SYT10: variants seen among roughly 807,000 people sequenced by gnomAD.
SYT10 encodes the protein synaptotagmin 10.
SYT10 carries 31 observed loss-of-function variants against 51.1 expected under a neutral mutation model. That is an observed-to-expected ratio of 0.61 (90% CI 0.46 to 0.82). The LOEUF (loss-of-function observed/expected upper bound fraction) is 0.82. Ranked by LOEUF, SYT10 falls within the 40% of genes least tolerant of loss-of-function variation. SYT10 has a pLI of 0.00. For synonymous variants in SYT10, 233 were observed against 225.9 expected (o/e 1.03, Z -0.28); for missense variants, 603 against 634.0 (o/e 0.95, Z 0.53).
At chr12:33,418,602 AACT>A (rs1866474940) in intron 2 of SYT10, among the ~76,000 whole-genome samples, 1 of 152,112 alleles carries the variant, frequency 6.6e-6, no homozygotes, top group South Asian at 2.1e-4. Flanking sequence ...CATCTGTCTC[AACT>A]TGATTTTCCC....
At position 33,433,279 on chromosome 12, in the gene SYT10, TG is replaced by T. The variant is rs146148324; in HGVS notation, c.151+6092del. Among the ~76,000 whole-genome samples the T allele has an allele frequency of 3.1e-3, 468 of 152,242 alleles. 2 individuals carry two copies. The highest frequency in any genetic ancestry group is 5.4e-3 in the Non-Finnish European group (364 of 67,966). On this transcript the variant is annotated intron_variant, in intron 1 of 6. Coordinates refer to ENST00000228567, the MANE Select transcript of SYT10 (RefSeq NM_198992.4). ...TGATGCCCTGAGATTTTTGAGTGGGTGACTCTCAGCTCTTTTTCAGTCACAT... is the reference window on the plus strand; with the variant it reads ...TGATGCCCTGAGATTTTTGAGTGGGTACTCTCAGCTCTTTTTCAGTCACAT...
At chr12:33,395,555 A>G (rs1484268957) in intron 3 of SYT10, among the ~76,000 whole-genome samples, 2 of 152,222 alleles carry the variant, frequency 1.3e-5, no homozygotes, top group Non-Finnish European at 2.9e-5. Context: ...CACAGCTGAT[A>G]GAATAATAAC....
chr12:33,400,081 C>T (rs1195690873), intron 3 of SYT10, among the ~76,000 whole-genome samples: 1 of 152,182 alleles, frequency 6.6e-6, no homozygotes, highest in Non-Finnish European at 1.5e-5. Context: ...AGGTTTGCTC[C>T]CTACTGCCCC....
At chr12:33,386,781 G>A (rs1179273901) in intron 3 of SYT10, among the ~76,000 whole-genome samples, 2 of 152,090 alleles carry the variant, frequency 1.3e-5, no homozygotes, top group East Asian at 1.9e-4. Flanking sequence ...TTTCTACAAC[G>A]TACTGAAGTG....
chr12:33,436,296 C>T (rs1866636925), intron 1 of SYT10, among the ~76,000 whole-genome samples: 1 of 152,054 alleles, frequency 6.6e-6, no homozygotes, highest in South Asian at 2.1e-4. Context: ...AATATTAAAT[C>T]ATATTGTGCA....
chr12:33,424,199 T>C (rs1866529706), intron 2 of SYT10, among the ~76,000 whole-genome samples: 1 of 152,194 alleles, frequency 6.6e-6, no homozygotes, highest in Non-Finnish European at 1.5e-5. Context: ...ACTGAGAAAT[T>C]CATAGCTAGC....
Position 33,439,273 on chromosome 12 carries a change from C to T in SYT10, c.151+99G>A, listed in dbSNP as rs575714896. ...GGAAAGCGTGGCGCCCCAAATATGC[C>T]GCGGGAGCGGCGCGGGAGGCGCAGA... On this transcript the variant is annotated intron_variant, in intron 1 of 6. Coordinates refer to ENST00000228567, the MANE Select transcript of SYT10 (RefSeq NM_198992.4). 20 of 1,457,258 alleles carry T rather than the reference C, an allele frequency of 1.4e-5. No individual in the cohort carries two copies. The South Asian group carries it at 2.7e-4, about 19-fold the overall frequency. 90.3% of individuals were successfully genotyped at this position (1,457,258 alleles called of 1,614,324 possible). A position where few individuals can be genotyped will look rare whatever the true frequency, so the allele number is the denominator to read the frequency against.
rs2138394892 is a variant in SYT10, at chr12:33,390,845, T to G, written c.1078-5554A>C. Among the ~76,000 whole-genome samples the G allele has an allele frequency of 1.3e-5, 2 of 152,342 alleles. 1 individual carries two copies. Among genetic ancestry groups the G allele is most frequent in the South Asian group, 4.1e-4 (2 of 4,832 alleles). ...TATATGTGATTTTGGACAAGTTACTTAACCTTGAAGAACACCACACAATTA... is the reference window on the plus strand; with the variant it reads ...TATATGTGATTTTGGACAAGTTACTGAACCTTGAAGAACACCACACAATTA... On this transcript the variant is annotated intron_variant, in intron 3 of 6. Transcript: ENST00000228567.
chr12:33,385,069 C>T, intron 4 of SYT10, 102 bp downstream of exon 4: 1 of 1,378,778 alleles, frequency 7.3e-7, no homozygotes. Flanking sequence ...TTGTAGTACT[C>T]CCATTATAGG....
chr12:33,403,132 T>C (rs1866320634), intron 3 of SYT10, among the ~76,000 whole-genome samples: 1 of 152,072 alleles, frequency 6.6e-6, no homozygotes, highest in Admixed American at 6.6e-5. Context: ...TAAATGATTA[T>C]TTCAAATAAA....
intron 3 of SYT10, among the ~76,000 whole-genome samples, chr12:33,388,335 C>T (rs1905418): frequency 0.4 from 61,314 of 151,544 alleles, 13,238 homozygotes; most frequent in East Asian, 0.88. Flanking sequence ...TGTGCACTAT[C>T]TTTCAGGATT....
intron 2 of SYT10, among the ~76,000 whole-genome samples, chr12:33,416,264 G>T (rs556104071): frequency 1.3e-5 from 2 of 152,110 alleles, no homozygotes; most frequent in East Asian, 3.9e-4. Context: ...TGTATTTTTA[G>T]TAGAGACGGG....
intron 6 of SYT10, among the ~76,000 whole-genome samples, chr12:33,378,047 A>G (rs1273605814): frequency 1.3e-5 from 2 of 152,166 alleles, no homozygotes; most frequent in Non-Finnish European, 2.9e-5. Context: ...ATAATTATAT[A>G]CTTATTTTTC....
intron 3 of SYT10, among the ~76,000 whole-genome samples, chr12:33,395,372 A>G (rs1178121897): frequency 6.6e-6 from 1 of 152,224 alleles, no homozygotes; most frequent in African/African-American, 2.4e-5. Flanking sequence ...ATAACTAATA[A>G]TAGTTATACT....
chr12:33,426,150 G>C lies in SYT10; in HGVS notation c.497C>G (p.Thr166Arg). The C allele has an allele frequency of 6.2e-7, 1 of 1,602,958 alleles. No individual in the cohort carries two copies. Residue 166 changes from threonine to arginine, a missense_variant, in exon 2 of 7, where the codon ACG (threonine) becomes AGG (arginine). Transcript: ENST00000228567. ...ARVQRQITEP[T>R]SSTRHSSFRR... ...AATCTTTCCTTACCGGGTTGATGAC[G>C]TAGGCTCAGTAATTTGTCTTTGCAC... is the stretch of plus-strand genomic sequence containing the variant.
chr12:33,420,527 CTG>C (rs1445004321), intron 2 of SYT10, among the ~76,000 whole-genome samples: 1 of 151,954 alleles, frequency 6.6e-6, no homozygotes, highest in Non-Finnish European at 1.5e-5. Context: ...TGGTGCGTGC[CTG>C]TAGTCCTGGC....
At position 33,400,643 on chromosome 12, in the gene SYT10, T is replaced by TA. The variant is rs928314239; in HGVS notation, c.1077+6145dup. ...CATATGCAAATGAAGGTAGTTATGT[T>TA]AAAAAAAAAGGAAATCTTTTCCTTG... On this transcript the variant is annotated intron_variant, in intron 3 of 6. Transcript: ENST00000228567. Among the ~76,000 whole-genome samples, 94 of 151,262 alleles carry TA rather than the reference T, an allele frequency of 6.2e-4. 1 individual carries two copies. The East Asian group carries it at 0.013, about 22-fold the overall frequency.
intron 2 of SYT10, among the ~76,000 whole-genome samples, chr12:33,417,374 C>A (rs1286519107): frequency 6.6e-6 from 1 of 152,114 alleles, no homozygotes; most frequent in East Asian, 1.9e-4. Flanking sequence ...ATACTCTGCC[C>A]CTTTGCCTTG....
At chr12:33,407,710 A>T (rs967053809) in intron 2 of SYT10, 1 of 180,640 alleles carries the variant, frequency 5.5e-6, no homozygotes, top group African/African-American at 2.4e-5. Context: ...AGCTCAAGCC[A>T]TCCTCTGGCC....
Sources: allele counts gnomAD v4.1 joint callset (sites outside exome capture counted in the v4.1 genomes callset), GRCh38; gene constraint gnomAD v4.1.1; transcripts MANE v1.5; gene names NCBI Gene and HGNC (gene_info 2026-07-23, HGNC 2026-07-21).